Variants in DNAJC3 observed in about 807,000 individuals in gnomAD.
DNAJC3 encodes the protein DnaJ heat shock protein family (Hsp40) member C3, also known as dnaJ homolog subfamily C member 3.
DNAJC3 carries 38 observed loss-of-function variants against 68.6 expected under a neutral mutation model. That is an observed-to-expected ratio of 0.55 (90% CI 0.43 to 0.73). DNAJC3 has a LOEUF of 0.73. Ranked by LOEUF, DNAJC3 falls within the 30% of genes least tolerant of loss-of-function variation. The pLI is 0.00. For missense variants in DNAJC3, 526 were observed against 591.9 expected (o/e 0.89, Z 1.16); for synonymous variants, 203 against 204.0 (o/e 1.00, Z 0.04).
intron 7 of DNAJC3, among the ~76,000 whole-genome samples, chr13:95,762,259 T>C (rs528279073): frequency 1.3e-5 from 2 of 151,984 alleles, no homozygotes; most frequent in African/African-American, 4.8e-5. Context: ...CGAAACTCCG[T>C]CTCTAAAAAA....
chr13:95,689,268 G>C, intron 1 of DNAJC3, among the ~76,000 whole-genome samples: 1 of 148,784 alleles, frequency 6.7e-6, no homozygotes, highest in Admixed American at 6.8e-5. Flanking sequence ...GGACTAATTT[G>C]ATTTTATTGC....
chr13:95,691,490 A>G (rs1880259510), intron 1 of DNAJC3, among the ~76,000 whole-genome samples: 1 of 149,116 alleles, frequency 6.7e-6, no homozygotes, highest in Non-Finnish European at 1.5e-5. Context: ...CACTTCCCAG[A>G]TGTGATGGCG....
chr13:95,708,291 A>G (rs1352507088), intron 1 of DNAJC3, among the ~76,000 whole-genome samples: 2 of 152,238 alleles, frequency 1.3e-5, no homozygotes, highest in East Asian at 3.8e-4. Flanking sequence ...GTACCGAAGG[A>G]TGAATTCAGA....
At chr13:95,728,521 T>C (rs1881600931) in intron 4 of DNAJC3, among the ~76,000 whole-genome samples, 1 of 152,222 alleles carries the variant, frequency 6.6e-6, no homozygotes, top group African/African-American at 2.4e-5. Flanking sequence ...AATTGGCTTG[T>C]TTGCTTTTTT....
At chr13:95,679,199 CTTTTTTTTTT>C (rs3086610) in intron 1 of DNAJC3, among the ~76,000 whole-genome samples, 3 of 108,414 alleles carry the variant, frequency 2.8e-5, no homozygotes, top group Non-Finnish European at 1.8e-5. Context: ...AAAATCAGCA[CTTTTTTTTTT>C]TTTTTTTTTT....
At chr13:95,757,513 GT>G (rs1882697976) in intron 4 of DNAJC3, 130 bp from the exon 5 acceptor site, 2 of 960,592 alleles carry the variant, frequency 2.1e-6, no homozygotes, top group Non-Finnish European at 2.8e-6. Flanking sequence ...AGACAAGCCA[GT>G]TTTTCCAGTA....
intron 4 of DNAJC3, among the ~76,000 whole-genome samples, chr13:95,737,134 C>T (rs376184191): frequency 4.7e-5 from 7 of 149,678 alleles, no homozygotes; most frequent in East Asian, 1.9e-4. Flanking sequence ...TATTGATTTG[C>T]GTATATTGAA....
Position 95,725,230 on chromosome 13 carries a change from C to T in DNAJC3, c.371C>T (p.Ala124Val). 1 of 1,594,078 alleles carries T rather than the reference C, an allele frequency of 6.3e-7. No individual in the cohort carries two copies. Among genetic ancestry groups the T allele is most frequent in the Non-Finnish European group, 8.5e-7 (1 of 1,172,918 alleles). ...CTCAAACAAGGAAAACTTGATGAAG[C>T]AGAAGATGATTTTAAAAAAGTGGTA... ...LLLKQGKLDEAEDDFKKVLKS... is the reference protein window; with the variant it reads ...LLLKQGKLDEVEDDFKKVLKS... Residue 124 changes from alanine to valine, a missense_variant, in exon 4 of 12, where the codon GCA becomes GTA. Coordinates refer to ENST00000602402, the MANE Select transcript of DNAJC3 (RefSeq NM_006260.5).
chr13:95,790,824 C>CCTA, intron 11 of DNAJC3, 49 bp from the exon 12 acceptor site: 1 of 1,589,032 alleles, frequency 6.3e-7, no homozygotes, highest in Non-Finnish European at 8.5e-7. Context: ...TCCCCCTGCC[C>CCTA]CTATACCTTA....
chr13:95,732,652 G>GT (rs1336746700), intron 4 of DNAJC3, among the ~76,000 whole-genome samples: 1 of 150,226 alleles, frequency 6.7e-6, no homozygotes, highest in South Asian at 2.1e-4. Context: ...CCCTTGCATT[G>GT]TTTTTTTAGT....
At chr13:95,677,805 G>A (rs1220185305) in intron 1 of DNAJC3, among the ~76,000 whole-genome samples, 1 of 152,186 alleles carries the variant, frequency 6.6e-6, no homozygotes, top group Non-Finnish European at 1.5e-5. Flanking sequence ...GTCCGGCTGG[G>A]AGTTGGAGGG....
rs1594012421 is a variant in DNAJC3, at chr13:95,761,770, G to C, written c.848+972G>C. On this transcript the variant is annotated intron_variant, in intron 7 of 11. Coordinates refer to ENST00000602402, the MANE Select transcript of DNAJC3 (RefSeq NM_006260.5). ...TACAATGTATAAACTTTTGGGATTG[G>C]CTTTTTTTTTTTTTGAGACAATCTC... Among the ~76,000 whole-genome samples, 3 of 148,822 alleles carry C rather than the reference G, an allele frequency of 2.0e-5. No homozygotes were observed. In the South Asian group the frequency reaches 6.3e-4, roughly 31 times the overall value.
intron 5 of DNAJC3, 128 bp from the exon 6 acceptor site, chr13:95,759,912 T>G (rs897976376): frequency 1.1e-6 from 1 of 899,646 alleles, no homozygotes; most frequent in African/African-American, 1.7e-5. Flanking sequence ...ATATTTGCAC[T>G]ATATAAGTCA....
chr13:95,716,423 C>T (rs1379328521), intron 2 of DNAJC3, among the ~76,000 whole-genome samples: 4 of 152,202 alleles, frequency 2.6e-5, no homozygotes, highest in South Asian at 2.1e-4. Flanking sequence ...GCTTCAGCTA[C>T]GCCATCTGCA....
rs1289448933 is a variant in DNAJC3, at chr13:95,793,508, G to GAGAC, written c.*2482_*2485dup. Reference sequence around the variant, plus strand: ...TTTTTTTTTTTTTTTTTTTTTTTTTGAGACAGAATCTTGCTCTGTTGCCCA... The same window carrying GAGAC: ...TTTTTTTTTTTTTTTTTTTTTTTTTGAGACAGACAGAATCTTGCTCTGTTGCCCA... On this transcript the variant is annotated 3_prime_UTR_variant, in exon 12 of 12. Transcript: ENST00000602402. 6 of 19,674 alleles carry GAGAC rather than the reference G, an allele frequency of 3.0e-4. No homozygotes were observed. The East Asian group carries it at 3.7e-3, about 12-fold the overall frequency. 1.2% of individuals were successfully genotyped at this position (19,674 alleles called of 1,614,324 possible).
At chr13:95,711,831 G>A (rs983266924) in intron 2 of DNAJC3, among the ~76,000 whole-genome samples, 1 of 143,470 alleles carries the variant, frequency 7.0e-6, no homozygotes, top group African/African-American at 3.0e-5. Context: ...AGATGTTAAC[G>A]ACCCAATTGA....
intron 11 of DNAJC3, among the ~76,000 whole-genome samples, chr13:95,790,351 G>A (rs1218668960): frequency 6.6e-6 from 1 of 152,068 alleles, no homozygotes; most frequent in East Asian, 1.9e-4. Context: ...CGCTGTGGGG[G>A]CACCAATTGC....
intron 2 of DNAJC3, among the ~76,000 whole-genome samples, chr13:95,716,670 G>A (rs1352794439): frequency 1.3e-5 from 2 of 152,226 alleles, no homozygotes; most frequent in African/African-American, 4.8e-5. Flanking sequence ...GCTGCCCAGC[G>A]GCCAGACTCT....
intron 9 of DNAJC3, among the ~76,000 whole-genome samples, chr13:95,782,997 G>GT (rs769004583): frequency 1.3e-5 from 2 of 152,188 alleles, no homozygotes; most frequent in African/African-American, 2.4e-5. Flanking sequence ...TGTATAAGGT[G>GT]TAAGGAAGGG....
Sources: allele counts gnomAD v4.1 joint callset (sites outside exome capture counted in the v4.1 genomes callset), GRCh38; gene constraint gnomAD v4.1.1; transcripts MANE v1.5; gene names NCBI Gene and HGNC (gene_info 2026-07-23, HGNC 2026-07-21).